Variants in SLMAP observed in about 807,000 individuals in gnomAD.
The protein encoded by SLMAP is sarcolemmal membrane-associated protein.
Under a neutral mutation model 128.8 loss-of-function variants are expected in SLMAP, and 44 were observed. The ratio of observed to expected loss-of-function variants is 0.34; its 90% CI spans 0.27 to 0.44. The LOEUF is 0.44. SLMAP is among the 20% of genes least tolerant of loss of function. SLMAP has a pLI of 1.00. For synonymous variants in SLMAP, 327 were observed against 348.8 expected (o/e 0.94, Z 0.70); for missense variants, 787 against 985.3 (o/e 0.80, Z 2.69).
intron 22 of SLMAP, among the ~76,000 whole-genome samples, chr3:57,918,726 G>A (rs17058664): frequency 0.027 from 4,045 of 152,200 alleles, 163 homozygotes; most frequent in African/African-American, 0.092. Flanking sequence ...GCCTTTTATT[G>A]ATGCACATAT....
In SLMAP at chr3:57,757,651, G is replaced by A. The variant is rs2077839653; in HGVS notation, c.-1G>A. On this transcript the variant is annotated 5_prime_UTR_variant, in exon 2 of 25. Coordinates refer to ENST00000671191, the MANE Select transcript of SLMAP (RefSeq NM_001377540.1). ...GGAGAGACACCCCCAGTCTATCCTCGATGCCGTCAGCCTTGGCCATCTTCA... is the reference window on the plus strand; with the variant it reads ...GGAGAGACACCCCCAGTCTATCCTCAATGCCGTCAGCCTTGGCCATCTTCA... 1 of 1,613,910 alleles carries A rather than the reference G, an allele frequency of 6.2e-7. No individual in the cohort carries two copies. Among genetic ancestry groups the A allele is most frequent in the Non-Finnish European group, 8.5e-7 (1 of 1,179,996 alleles).
Position 57,860,714 on chromosome 3 carries a change from A to G in SLMAP, c.703A>G (p.Ser235Gly), listed in dbSNP as rs774215191. The stretch of plus-strand genomic sequence containing the variant: ...TTTATTGTAGAATCAAACAGAAGAT[A>G]GTTTACGAAAGGAACTTATAGCATT... ...QACSKNQTED[S>G]LRKELIALQE... Residue 235 changes from serine to glycine, a missense_variant, in exon 9 of 25, where the codon AGT (serine) becomes GGT (glycine). By Grantham distance (56) the Ser-to-Gly change is moderately conservative. Around this residue, in one of 2 missense-constraint regions of SLMAP, gnomAD observed 715 missense variants for 843.6 expected, o/e 0.85. Coordinates refer to ENST00000671191, the MANE Select transcript of SLMAP (RefSeq NM_001377540.1). 3 of 1,564,350 alleles carry G rather than the reference A, an allele frequency of 1.9e-6. No individual in the cohort carries two copies. Among genetic ancestry groups the G allele is most frequent in the Non-Finnish European group, 2.6e-6 (3 of 1,162,466 alleles).
intron 4 of SLMAP, among the ~76,000 whole-genome samples, chr3:57,842,199 C>T (rs1326107819): frequency 2.0e-5 from 3 of 152,058 alleles, no homozygotes; most frequent in African/African-American, 7.2e-5. Flanking sequence ...TTAAGCAGAG[C>T]GAGGCCCTCC....
At chr3:57,775,394 C>CA (rs2081653100) in intron 2 of SLMAP, among the ~76,000 whole-genome samples, 1 of 150,954 alleles carries the variant, frequency 6.6e-6, no homozygotes, top group African/African-American at 2.4e-5. Context: ...GTGGCTGGGC[C>CA]AGGCATATTG....
At chr3:57,775,274 C>G (rs981052880) in intron 2 of SLMAP, among the ~76,000 whole-genome samples, 9 of 151,848 alleles carry the variant, frequency 5.9e-5, no homozygotes, top group Non-Finnish European at 1.2e-4. Flanking sequence ...GATCTCCTGA[C>G]CTTGTGATCC....
chr3:57,860,118 G>T (rs140572450), intron 8 of SLMAP, among the ~76,000 whole-genome samples: 118 of 152,230 alleles, frequency 7.8e-4, no homozygotes, highest in African/African-American at 2.8e-3. Context: ...CTGGGCTCAC[G>T]CAATCCTCCC....
Position 57,823,664 on chromosome 3 carries a change from G to A in SLMAP, c.199-7719G>A, listed in dbSNP as rs527691087. Among the ~76,000 whole-genome samples the A allele has an allele frequency of 5.1e-4, 77 of 152,262 alleles. No homozygotes were observed. In the Middle Eastern group the frequency reaches 0.031, roughly 61 times the overall value. ...TTCCAAGTCTTTGCTATTGTGAATAGTGCCGCAGTAAACATACGTGTGCAT... is the reference window on the plus strand; with the variant it reads ...TTCCAAGTCTTTGCTATTGTGAATAATGCCGCAGTAAACATACGTGTGCAT... On this transcript the variant is annotated intron_variant, in intron 2 of 24. Coordinates refer to ENST00000671191, the MANE Select transcript of SLMAP (RefSeq NM_001377540.1).
chr3:57,928,226 C>G lies in SLMAP; in HGVS notation c.*937C>G, dbSNP rs2153714297. 1 of 152,454 alleles carries G rather than the reference C, an allele frequency of 6.6e-6. No individual in the cohort carries two copies. The highest frequency in any genetic ancestry group is 3.4e-3 in the Middle Eastern group (1 of 294). The allele number at this position is 152,454 out of a possible 1,614,324, so 9.4% of individuals were successfully genotyped here. On this transcript the variant is annotated 3_prime_UTR_variant, in exon 25 of 25. Transcript: ENST00000671191. ...TAAAGAGATATTTTTCTTTAAAAGC[C>G]AAGTTACTTTCTCATATACAGCATT...
In SLMAP at chr3:57,927,458, A is replaced by G. The variant is rs2097029713; in HGVS notation, c.*169A>G. 4 of 896,266 alleles carry G rather than the reference A, an allele frequency of 4.5e-6. No homozygotes were observed. The African/African-American group carries it at 4.9e-5, about 11-fold the overall frequency. 55.5% of individuals were successfully genotyped at this position (896,266 alleles called of 1,614,324 possible). ...CATCACACTCATGCTGGGGACAAAC[A>G]GAACCATTTTCTTCCTCTTTACCTC... On this transcript the variant is annotated 3_prime_UTR_variant, in exon 25 of 25. Coordinates refer to ENST00000671191, the MANE Select transcript of SLMAP (RefSeq NM_001377540.1).
intron 17 of SLMAP, chr3:57,898,761 C>T (rs2153662513): frequency 6.6e-6 from 1 of 152,318 alleles, no homozygotes; most frequent in African/African-American, 2.4e-5. Flanking sequence ...AGGAAAGTAA[C>T]ACTAGCCACA....
intron 2 of SLMAP, among the ~76,000 whole-genome samples, chr3:57,797,568 G>A (rs941573255): frequency 3.3e-5 from 5 of 151,410 alleles, no homozygotes; most frequent in African/African-American, 1.2e-4. Flanking sequence ...CTGTTGATGT[G>A]GTTATTCTTG....
Position 57,890,048 on chromosome 3 carries a change from G to C in SLMAP, c.1308G>C (p.Leu436=). The change falls in exon 15 of 25, where the codon CTG becomes CTC. Residue 436 remains leucine (L), a synonymous_variant. Coordinates refer to ENST00000671191, the MANE Select transcript of SLMAP (RefSeq NM_001377540.1). ...GTTTATTTTCCTTGGCAGAGAAGCTGATCGTCGAAGGGCATCTAACCAAAG... is the reference window on the plus strand; with the variant it reads ...GTTTATTTTCCTTGGCAGAGAAGCTCATCGTCGAAGGGCATCTAACCAAAG... ...IHQFIECQKK[L]IVEGHLTKAV... 1 of 1,612,732 alleles carries C rather than the reference G, an allele frequency of 6.2e-7. No homozygotes were observed. Among genetic ancestry groups the C allele is most frequent in the Non-Finnish European group, 8.5e-7 (1 of 1,178,728 alleles).
chr3:57,919,746 G>T (rs13324073), intron 22 of SLMAP, among the ~76,000 whole-genome samples: 6 of 150,214 alleles, frequency 4.0e-5, no homozygotes, highest in African/African-American at 1.5e-4. Flanking sequence ...GGTAAGCCAA[G>T]ATCGCACCAT....
intron 6 of SLMAP, among the ~76,000 whole-genome samples, chr3:57,855,424 G>A (rs1186646285): frequency 6.6e-6 from 1 of 151,906 alleles, no homozygotes; most frequent in Non-Finnish European, 1.5e-5. Flanking sequence ...TGATATACCT[G>A]TACAAGGCAC....
chr3:57,906,310 C>CTTTTTCTTTTTTT (rs2096549127), intron 17 of SLMAP, among the ~76,000 whole-genome samples: 1 of 47,048 alleles, frequency 2.1e-5, no homozygotes, highest in Non-Finnish European at 4.2e-5. Context: ...CTTTTTTTTT[C>CTTTTTCTTTTTTT]TTTTTTTTTT....
chr3:57,777,698 A>G (rs937741043), intron 2 of SLMAP, among the ~76,000 whole-genome samples: 32 of 152,254 alleles, frequency 2.1e-4, no homozygotes, highest in Admixed American at 1.8e-3. Context: ...TAAATAAAAG[A>G]CAACCCAACA....
intron 2 of SLMAP, among the ~76,000 whole-genome samples, chr3:57,791,874 AT>A (rs1287039042): frequency 6.6e-6 from 1 of 152,128 alleles, no homozygotes; most frequent in Non-Finnish European, 1.5e-5. Context: ...TTTGCTTGAT[AT>A]TTTAGATGAA....
intron 14 of SLMAP, among the ~76,000 whole-genome samples, chr3:57,876,709 G>A (rs1333911654): frequency 1.3e-5 from 2 of 152,306 alleles, no homozygotes; most frequent in South Asian, 4.1e-4. Context: ...AAGAAATAAT[G>A]TATCTCTAAA....
intron 23 of SLMAP, among the ~76,000 whole-genome samples, chr3:57,924,284 A>T (rs2096964091): frequency 6.6e-6 from 1 of 152,162 alleles, no homozygotes; most frequent in Admixed American, 6.5e-5. Flanking sequence ...CACTCATTGT[A>T]GCAGTTTTCT....
Sources: allele counts gnomAD v4.1 joint callset (sites outside exome capture counted in the v4.1 genomes callset), GRCh38; gene constraint gnomAD v4.1.1; regional missense constraint gnomAD v4.1.1; transcripts MANE v1.5; gene names NCBI Gene and HGNC (gene_info 2026-07-23, HGNC 2026-07-21).